Variants in NPRL3 observed in about 807,000 individuals in gnomAD.
NPRL3 encodes NPR3 like, GATOR1 complex subunit.
Under a neutral mutation model 57.2 loss-of-function variants are expected in NPRL3, and 23 were observed. That is an observed-to-expected ratio of 0.40 (90% CI 0.29 to 0.57). The LOEUF is 0.57. Ranked by LOEUF, NPRL3 falls within the 20% of genes least tolerant of loss-of-function variation. The probability of loss-of-function intolerance (pLI) is 0.42; values close to 1 mark genes in which losing one functional copy is unlikely to be tolerated. For synonymous variants in NPRL3, 333 were observed against 321.1 expected, an observed-to-expected ratio of 1.04 and a Z score of -0.39; for missense variants, 691 against 767.1, an observed-to-expected ratio of 0.90 and a Z score of 1.17.
intron 8 of NPRL3, among the ~76,000 whole-genome samples, chr16:99,347 A>G (rs868563161): frequency 6.6e-6 from 1 of 152,214 alleles, no homozygotes; most frequent in Non-Finnish European, 1.5e-5. Flanking sequence ...CTTTCCTTGC[A>G]GAAAATCAAT....
intron 9 of NPRL3, among the ~76,000 whole-genome samples, chr16:95,323 G>GTATATATATA (rs1425173088): frequency 3.2e-3 from 106 of 32,808 alleles, no homozygotes; most frequent in Admixed American, 6.4e-3. Context: ...ATGTTTGTGT[G>GTATATATATA]TGTATATATA....
chr16:133,477 G>A lies in NPRL3; in HGVS notation c.119-2886C>T, dbSNP rs534881113. The stretch of plus-strand genomic sequence containing the variant: ...GAACTTCTGACCTCGTGATCCGCCC[G>A]CCTCGGCTTCCCAAAGTGCTAGGAT... On this transcript the variant is annotated intron_variant, in intron 2 of 13. Transcript: ENST00000611875. Among the ~76,000 whole-genome samples the A allele has an allele frequency of 7.2e-5, 11 of 151,822 alleles. No homozygotes were observed. The East Asian group carries it at 7.8e-4, about 11-fold the overall frequency.
At chr16:132,668 C>G (rs867860514) in intron 2 of NPRL3, among the ~76,000 whole-genome samples, 1 of 120,288 alleles carries the variant, frequency 8.3e-6, no homozygotes, top group Non-Finnish European at 1.7e-5. Flanking sequence ...AATTGTATTT[C>G]TTTTTTTTTT....
At chr16:136,458 G>A (rs1165156240) in intron 2 of NPRL3, among the ~76,000 whole-genome samples, 17 of 152,152 alleles carry the variant, frequency 1.1e-4, no homozygotes, top group African/African-American at 3.9e-4. Context: ...GGGAGGCCAA[G>A]GCGGGCGGAT....
At position 92,745 on chromosome 16, in the gene NPRL3, C is replaced by A. The variant is rs758612387; in HGVS notation, c.1032-20G>T. ...GAGTACCTGCAGGCAGGTGAGCATG[C>A]CAGTGAGTGCAGCAGACCCCCCCAC... On this transcript the variant is annotated intron_variant, in intron 10 of 13. Coordinates refer to ENST00000611875, the MANE Select transcript of NPRL3 (RefSeq NM_001077350.3). 5.6e-6 allele frequency: 9 copies of A among 1,611,572 alleles called. No homozygotes were observed. The Admixed American group carries it at 1.5e-4, about 27-fold the overall frequency.
chr16:87,841 A>AT (rs1898564819), intron 13 of NPRL3, among the ~76,000 whole-genome samples: 1 of 146,886 alleles, frequency 6.8e-6, no homozygotes, highest in Non-Finnish European at 1.5e-5. Context: ...AAGTGCTGGG[A>AT]TTACAGGCAT....
At chr16:124,337 T>G (rs532978870) in intron 3 of NPRL3, among the ~76,000 whole-genome samples, 1 of 151,896 alleles carries the variant, frequency 6.6e-6, no homozygotes, top group Non-Finnish European at 1.5e-5. Flanking sequence ...AAGTATCTCA[T>G]CTTTTCTTTT....
chr16:128,212 T>A (rs562617569), intron 3 of NPRL3, among the ~76,000 whole-genome samples: 15 of 152,298 alleles, frequency 9.8e-5, no homozygotes, highest in Admixed American at 6.5e-4. Context: ...GGCTGTCTCC[T>A]GACCTCAGGT....
chr16:132,468 C>T (rs7198876), intron 2 of NPRL3, among the ~76,000 whole-genome samples: 9,924 of 152,244 alleles, frequency 0.065, 578 homozygotes, highest in African/African-American at 0.15. Context: ...ACTGAAGTTT[C>T]GACTCCTTCA....
intron 3 of NPRL3, among the ~76,000 whole-genome samples, chr16:122,899 G>T (rs1900342995): frequency 6.6e-6 from 1 of 152,162 alleles, no homozygotes; most frequent in Non-Finnish European, 1.5e-5. Context: ...CACAGACACT[G>T]TGTGTACCTC....
Position 117,409 on chromosome 16 carries a change from C to T in NPRL3, c.319-34G>A, listed in dbSNP as rs13336641. 4.7e-3 allele frequency: 7,019 copies of T among 1,484,326 alleles called. 294 individuals carry two copies. The African/African-American group carries it at 0.085, about 18-fold the overall frequency. The allele number at this position is 1,484,326 out of a possible 1,614,324, so 91.9% of individuals were successfully genotyped here. A position where few individuals can be genotyped will look rare whatever the true frequency, so the allele number is the denominator to read the frequency against. On this transcript the variant is annotated intron_variant, in intron 4 of 13. Transcript: ENST00000611875. ...GATGCATAATTCTAATTAATTGAGA[C>T]GACTTTCTAAGGAAAGCTGTTTAGA...
chr16:97,502 G>C (rs1163166591), intron 9 of NPRL3, among the ~76,000 whole-genome samples: 3 of 150,568 alleles, frequency 2.0e-5, no homozygotes. Context: ...AGGATGACAG[G>C]CATGAGCCAC....
chr16:95,244 T>G (rs541188540), intron 9 of NPRL3, among the ~76,000 whole-genome samples: 46 of 151,568 alleles, frequency 3.0e-4, no homozygotes, highest in Non-Finnish European at 4.7e-4. Flanking sequence ...TGTATATCTG[T>G]GGGGGCCATT....
intron 5 of NPRL3, 69 bp downstream of exon 5, chr16:117,232 G>T (rs1001959296): frequency 7.1e-6 from 8 of 1,132,598 alleles, no homozygotes; most frequent in Non-Finnish European, 1.0e-5. Flanking sequence ...TGACACGCTC[G>T]TTGGAAAAAA....
chr16:136,607 G>C (rs958862055), intron 2 of NPRL3, among the ~76,000 whole-genome samples: 2 of 151,354 alleles, frequency 1.3e-5, no homozygotes, highest in East Asian at 2.0e-4. Flanking sequence ...CAGGAGAATT[G>C]CTTGACAGGG....
rs757231242 is a variant in NPRL3 at position 98,304 on chromosome 16, G to A, written c.768-3C>T. On this transcript the variant is annotated splice_polypyrimidine_tract_variant and splice_region_variant and intron_variant, in intron 8 of 13. Transcript: ENST00000611875. ...GCAGCAGCAGGGCATGGTAGGGGCT[G>A]CAAAACAATCACCTGTCACGGAACA... 6.2e-7 allele frequency: 1 copy of A among 1,611,132 alleles called. No individual in the cohort carries two copies. Among genetic ancestry groups the A allele is most frequent in the East Asian group, 2.2e-5 (1 of 44,886 alleles).
chr16:113,517 G>T (rs1281379830), intron 5 of NPRL3, among the ~76,000 whole-genome samples: 1 of 152,186 alleles, frequency 6.6e-6, no homozygotes, highest in Admixed American at 6.5e-5. Context: ...ACCTATCAGG[G>T]ACCACAGTCA....
At position 85,492 on chromosome 16, in the gene NPRL3, C is replaced by T. The variant is rs575216465; in HGVS notation, c.*1213G>A. On this transcript the variant is annotated 3_prime_UTR_variant, in exon 14 of 14. Transcript: ENST00000611875. ...TTCGCAGCACCCTCCGGAAAGGCAC[C>T]GCCAGCCGTGTCCTCAAGGACCGCG... 1.7e-5 allele frequency: 27 copies of T among 1,613,128 alleles called. 1 individual carries two copies. The highest frequency in any genetic ancestry group is 1.7e-4 in the Admixed American group (10 of 60,004).
chr16:99,959 C>CAAAAAAAAAAAAAAAAAAAAAA (rs11304941), intron 8 of NPRL3, among the ~76,000 whole-genome samples: 8 of 61,008 alleles, frequency 1.3e-4, no homozygotes, highest in Admixed American at 2.2e-4. Flanking sequence ...CACACCCCCG[C>CAAAAAAAAAAAAAAAAAAAAAA]AAAAAAAAAA....
Sources: gnomAD v4.1 joint callset for allele counts (sites outside exome capture counted in the v4.1 genomes callset) on GRCh38, gnomAD v4.1.1 for gene constraint, MANE v1.5 for transcripts, NCBI Gene and HGNC (gene_info 2026-07-23, HGNC 2026-07-21) for gene names.